The following PHF21A variants were observed in gnomAD, a reference collection of about 807,000 sequenced individuals.
PHF21A encodes the protein BHC80a.
In PHF21A, 11 loss-of-function variants were observed where a neutral mutation model predicts 82.5. That is an observed-to-expected ratio of 0.13 (90% confidence interval 0.08 to 0.22). The LOEUF is 0.22. Among genes scored for constraint, PHF21A ranks in the 10% least tolerant of loss-of-function variants. The pLI, the probability that PHF21A is intolerant of heterozygous loss-of-function variation, is 1.00. For missense variants in PHF21A, 579 were observed against 837.8 expected (o/e 0.69, Z 3.81); for synonymous variants, 297 against 302.8 (o/e 0.98, Z 0.20).
intron 6 of PHF21A, among the ~76,000 whole-genome samples, chr11:46,058,344 G>T (rs751040961): frequency 2.0e-5 from 3 of 152,086 alleles, no homozygotes; most frequent in Non-Finnish European, 4.4e-5. Context: ...TTGGTAAAAC[G>T]AAACCTGATT....
intron 15 of PHF21A, among the ~76,000 whole-genome samples, chr11:45,945,498 C>T (rs2091161872): frequency 6.6e-6 from 1 of 152,194 alleles, no homozygotes; most frequent in Non-Finnish European, 1.5e-5. Flanking sequence ...ATTTTCCCCA[C>T]TCCCAAAACA....
chr11:46,109,412 A>C (rs982363535), intron 1 of PHF21A, among the ~76,000 whole-genome samples: 2 of 152,240 alleles, frequency 1.3e-5, no homozygotes, highest in Non-Finnish European at 2.9e-5. Context: ...CAACTTGTCA[A>C]ACATTTAAAA....
chr11:46,042,250 A>G (rs936608925), intron 6 of PHF21A, among the ~76,000 whole-genome samples: 1 of 152,198 alleles, frequency 6.6e-6, no homozygotes, highest in Non-Finnish European at 1.5e-5. Context: ...TCAATAAGGC[A>G]TATTCCATAT....
At position 46,093,741 on chromosome 11, in the gene PHF21A, A is replaced by C. The variant is rs893159929; in HGVS notation, c.-236-1518T>G. Reference sequence around the variant, plus strand: ...TGTTAAGTCAATGAATTGACTAAACAGACACTTAAGCTGTCTGTTGAGGGC... The same window carrying C: ...TGTTAAGTCAATGAATTGACTAAACCGACACTTAAGCTGTCTGTTGAGGGC... On this transcript the variant is annotated intron_variant, in intron 1 of 18. Coordinates refer to ENST00000676320, the MANE Select transcript of PHF21A (RefSeq NM_001352027.3). 5.3e-5 allele frequency among the ~76,000 whole-genome samples: 8 copies of C among 152,236 alleles called. No homozygotes were observed. The East Asian group carries it at 9.6e-4, about 18-fold the overall frequency.
At chr11:46,014,447 A>G (rs141736945) in intron 6 of PHF21A, among the ~76,000 whole-genome samples, 1,788 of 152,296 alleles carry the variant, frequency 0.012, 39 homozygotes, top group African/African-American at 0.04. Context: ...TGTCTTTGCT[A>G]CTGTGAATAG....
In PHF21A at chr11:45,931,028, GC is replaced by G. The variant is rs1328225121; in HGVS notation, c.*2939del. ...TTGAGTGCAGAATGTAGGTTTGGGG[GC>G]TGGGTTGCATCTCGTACTCCATACT... On this transcript the variant is annotated 3_prime_UTR_variant, in exon 19 of 19. Transcript: ENST00000676320. The G allele has an allele frequency of 6.6e-6, 1 of 152,302 alleles. No individual in the cohort carries two copies. Among genetic ancestry groups the G allele is most frequent in the Non-Finnish European group, 1.5e-5 (1 of 68,156 alleles). The allele number at this position is 152,302 out of a possible 1,614,324, so 9.4% of individuals were successfully genotyped here.
intron 6 of PHF21A, among the ~76,000 whole-genome samples, chr11:46,072,898 C>T (rs963321393): frequency 3.3e-5 from 5 of 152,108 alleles, no homozygotes; most frequent in Non-Finnish European, 7.4e-5. Context: ...TACAAGAAAG[C>T]AAAATGAAAG....
intron 6 of PHF21A, among the ~76,000 whole-genome samples, chr11:46,041,199 CT>C (rs2096133077): frequency 6.6e-6 from 1 of 152,010 alleles, no homozygotes; most frequent in Non-Finnish European, 1.5e-5. Context: ...AAATAGTCAC[CT>C]TTTTTTGTAA....
chr11:46,107,032 T>C (rs1168653705), intron 1 of PHF21A, among the ~76,000 whole-genome samples: 2 of 152,228 alleles, frequency 1.3e-5, no homozygotes, highest in Non-Finnish European at 2.9e-5. Context: ...CTGCCTCTTC[T>C]GCAGGAAGAA....
In PHF21A at chr11:46,007,698, T is replaced by C. The variant is rs189784228; in HGVS notation, c.154-27732A>G. On this transcript the variant is annotated intron_variant, in intron 6 of 18. Transcript: ENST00000676320. ...TAGCATGAATATTAAATCCGTCATTTTAAAATTTAGTTACATTAATTTAAA... is the reference window on the plus strand; with the variant it reads ...TAGCATGAATATTAAATCCGTCATTCTAAAATTTAGTTACATTAATTTAAA... Among the ~76,000 whole-genome samples the C allele has an allele frequency of 1.1e-3, 171 of 152,344 alleles. 1 individual carries two copies. Among genetic ancestry groups the C allele is most frequent in the African/African-American group, 3.8e-3 (158 of 41,588 alleles).
intron 9 of PHF21A, among the ~76,000 whole-genome samples, chr11:45,968,592 T>C (rs1352085900): frequency 2.6e-5 from 4 of 152,160 alleles, no homozygotes; most frequent in Admixed American, 2.6e-4. Context: ...GAATGTCAAC[T>C]CATCAAAGAA....
At chr11:45,940,659 A>T (rs75484531) in intron 15 of PHF21A, among the ~76,000 whole-genome samples, 5 of 151,962 alleles carry the variant, frequency 3.3e-5, no homozygotes, top group East Asian at 3.8e-4. Context: ...CTTCATTATT[A>T]AAATCAGGCT....
chr11:46,078,443 A>G (rs917955165), intron 5 of PHF21A, among the ~76,000 whole-genome samples: 1 of 152,200 alleles, frequency 6.6e-6, no homozygotes, highest in Non-Finnish European at 1.5e-5. Context: ...TAATGGTTAC[A>G]AAAGAGACAA....
rs548503938 is a variant in PHF21A, at chr11:46,073,197, G to A, written c.153+3557C>T. Among the ~76,000 whole-genome samples the A allele has an allele frequency of 5.3e-5, 8 of 151,962 alleles. No homozygotes were observed. In the East Asian group the frequency reaches 5.8e-4, roughly 11 times the overall value. ...CAAAAAATTGGCCAGGCGTGGTGGC[G>A]GGCGCCTGTAGTCCCAGCTACTTGG... On this transcript the variant is annotated intron_variant, in intron 6 of 18. Coordinates refer to ENST00000676320, the MANE Select transcript of PHF21A (RefSeq NM_001352027.3).
rs74675384 is a variant in PHF21A at position 46,075,444 on chromosome 11, G to A, written c.153+1310C>T. On this transcript the variant is annotated intron_variant, in intron 6 of 18. Transcript: ENST00000676320. ...CCCTGAAACTATAAGGAGGCTCAGC[G>A]CTAACAGAATTCTAAAGCTAGAACA... Among the ~76,000 whole-genome samples the A allele has an allele frequency of 6.1e-4, 93 of 152,266 alleles. 1 individual carries two copies. The East Asian group carries it at 0.016, about 27-fold the overall frequency.
At chr11:45,995,665 A>G (rs2094882226) in intron 6 of PHF21A, among the ~76,000 whole-genome samples, 1 of 152,226 alleles carries the variant, frequency 6.6e-6, no homozygotes, top group Non-Finnish European at 1.5e-5. Context: ...AAGGCTCTAC[A>G]GAGTCTGCAA....
chr11:46,069,624 TC>T (rs1377826024), intron 6 of PHF21A, among the ~76,000 whole-genome samples: 9 of 152,182 alleles, frequency 5.9e-5, no homozygotes, highest in Non-Finnish European at 1.0e-4. Context: ...ATGTCCTATT[TC>T]AAAAAATATT....
At chr11:46,042,536 T>C (rs1353564428) in intron 6 of PHF21A, among the ~76,000 whole-genome samples, 2 of 152,128 alleles carry the variant, frequency 1.3e-5, no homozygotes, top group African/African-American at 2.4e-5. Flanking sequence ...ATGTATAGCA[T>C]GTCTCCTAAA....
chr11:46,012,539 C>T (rs985419474), intron 6 of PHF21A, among the ~76,000 whole-genome samples: 22 of 152,160 alleles, frequency 1.4e-4, no homozygotes, highest in Admixed American at 1.3e-3. Context: ...AGTTAACTCA[C>T]GACAGTCTCT....
Sources: allele counts gnomAD v4.1 joint callset (sites outside exome capture counted in the v4.1 genomes callset), GRCh38; gene constraint gnomAD v4.1.1; transcripts MANE v1.5; gene names NCBI Gene and HGNC (gene_info 2026-07-23, HGNC 2026-07-21).